ROBO2: variants seen among roughly 807,000 people sequenced by gnomAD.
ROBO2 encodes the protein roundabout guidance receptor 2.
Under a neutral mutation model 160.8 loss-of-function variants are expected in ROBO2, and 53 were observed. That is an observed-to-expected ratio of 0.33 (90% CI 0.26 to 0.41). The LOEUF (loss-of-function observed/expected upper bound fraction) is 0.41. Among genes scored for constraint, ROBO2 ranks in the 10% least tolerant of loss-of-function variants. ROBO2 has a pLI of 1.00. For synonymous variants in ROBO2, 664 were observed against 611.7 expected (o/e 1.09, Z -1.26); for missense variants, 1,577 against 1,722.4 (o/e 0.92, Z 1.49).
At chr3:77,609,327 T>G (rs904032745) in intron 21 of ROBO2, among the ~76,000 whole-genome samples, 5 of 152,098 alleles carry the variant, frequency 3.3e-5, no homozygotes, top group African/African-American at 1.2e-4. Flanking sequence ...TATAAATGTG[T>G]CAGTGTCACA....
chr3:76,109,160 GTATAA>G, intron 2 of ROBO2, among the ~76,000 whole-genome samples: 1 of 152,068 alleles, frequency 6.6e-6, no homozygotes, highest in Non-Finnish European at 1.5e-5. Flanking sequence ...ACAATAAAGT[GTATAA>G]TATAATAAAC....
chr3:75,989,949 G>A (rs1168895208), intron 2 of ROBO2, among the ~76,000 whole-genome samples: 2 of 152,154 alleles, frequency 1.3e-5, no homozygotes, highest in African/African-American at 4.8e-5. Flanking sequence ...TAATTGGCAT[G>A]TGTGTTTTTT....
chr3:76,004,553 A>T (rs904919375), intron 2 of ROBO2, among the ~76,000 whole-genome samples: 1 of 152,164 alleles, frequency 6.6e-6, no homozygotes, highest in African/African-American at 2.4e-5. Flanking sequence ...GTAATGACTC[A>T]CTTCCTGATT....
chr3:76,140,191 T>C (rs183944901), intron 2 of ROBO2, among the ~76,000 whole-genome samples: 1 of 152,202 alleles, frequency 6.6e-6, no homozygotes, highest in Admixed American at 6.6e-5. Context: ...ACATGAAAGC[T>C]GAAGAGCTTT....
chr3:76,089,520 T>G lies in ROBO2; in HGVS notation c.109+151918T>G, dbSNP rs376201309. On this transcript the variant is annotated intron_variant, in intron 2 of 26. Transcript: ENST00000487694. ...GATTTATCTAGGCACGCAAGTCTGGTTAAACATTTAAAAATGAATTAATGT... is the reference window on the plus strand; with the variant it reads ...GATTTATCTAGGCACGCAAGTCTGGGTAAACATTTAAAAATGAATTAATGT... Among the ~76,000 whole-genome samples, 94 of 152,224 alleles carry G rather than the reference T, an allele frequency of 6.2e-4. 1 individual carries two copies. In the South Asian group the frequency reaches 0.019, roughly 32 times the overall value.
intron 2 of ROBO2, among the ~76,000 whole-genome samples, chr3:76,636,554 C>G (rs2090343615): frequency 6.6e-6 from 1 of 152,114 alleles, no homozygotes; most frequent in Non-Finnish European, 1.5e-5. Context: ...AGTCCTGACT[C>G]CCAGCAATGG....
At chr3:77,242,013 T>G (rs62249669) in intron 2 of ROBO2, among the ~76,000 whole-genome samples, 1 of 152,176 alleles carries the variant, frequency 6.6e-6, no homozygotes, top group African/African-American at 2.4e-5. Flanking sequence ...TTTGCTAATA[T>G]GCGGGAAATA....
intron 2 of ROBO2, among the ~76,000 whole-genome samples, chr3:76,020,652 A>G (rs1421228578): frequency 6.6e-6 from 1 of 151,780 alleles, no homozygotes; most frequent in Non-Finnish European, 1.5e-5. Context: ...CCATATTTTA[A>G]TTGTATCCTT....
chr3:76,821,404 T>C (rs533220982), intron 2 of ROBO2, among the ~76,000 whole-genome samples: 1 of 152,052 alleles, frequency 6.6e-6, no homozygotes, highest in Non-Finnish European at 1.5e-5. Flanking sequence ...CCCTCTCCGA[T>C]AGTTGCTGTT....
rs1046088216 is a variant in ROBO2, at chr3:76,871,203, T to G, written c.110-226811T>G. On this transcript the variant is annotated intron_variant, in intron 2 of 26. Transcript: ENST00000487694. Reference sequence around the variant, plus strand: ...CCTTAAATAACCGTATACTTTAGTTTTTAACACCTCTGCACTTTGTGAAGA... The same window carrying G: ...CCTTAAATAACCGTATACTTTAGTTGTTAACACCTCTGCACTTTGTGAAGA... Among the ~76,000 whole-genome samples, 11 of 152,364 alleles carry G rather than the reference T, an allele frequency of 7.2e-5. No individual in the cohort carries two copies. In the South Asian group the frequency reaches 1.7e-3, roughly 23 times the overall value.
rs1948605132 is a variant in ROBO2, at chr3:75,953,016, A to G, written c.109+15414A>G. On this transcript the variant is annotated intron_variant, in intron 2 of 26. Coordinates refer to the ROBO2 transcript ENST00000487694. ...TGGATATAACACAGTTTATTTTTCC[A>G]TTCACTTCCTGAAGGACATTTTGAT... 2.6e-5 allele frequency among the ~76,000 whole-genome samples: 4 copies of G among 151,930 alleles called. No individual in the cohort carries two copies. The South Asian group carries it at 8.3e-4, about 31-fold the overall frequency.
intron 2 of ROBO2, among the ~76,000 whole-genome samples, chr3:76,469,883 C>A (rs1327860769): frequency 6.6e-6 from 1 of 152,132 alleles, no homozygotes; most frequent in South Asian, 2.1e-4. Context: ...AGTAAATTTT[C>A]TTCTTTTTGC....
At position 77,135,606 on chromosome 3, in the gene ROBO2, G is replaced by A. The variant is rs1039164181; in HGVS notation, c.388+37266G>A. Reference sequence around the variant, plus strand: ...GTATTTTTAGTAGAGAAGGGGTTTCGCTATGTTGCCCAGGCTGCTGTTGGC... The same window carrying A: ...GTATTTTTAGTAGAGAAGGGGTTTCACTATGTTGCCCAGGCTGCTGTTGGC... On this transcript the variant is annotated intron_variant, in intron 2 of 25. Transcript: ENST00000461745. 4.6e-5 allele frequency among the ~76,000 whole-genome samples: 7 copies of A among 151,052 alleles called. No homozygotes were observed. In the East Asian group the frequency reaches 1.2e-3, roughly 25 times the overall value.
chr3:76,341,904 CCT>C (rs1227574699), intron 2 of ROBO2, among the ~76,000 whole-genome samples: 1 of 152,120 alleles, frequency 6.6e-6, no homozygotes, highest in African/African-American at 2.4e-5. Flanking sequence ...GCATATGTTT[CCT>C]CTTTTTCCAA....
At chr3:76,606,405 G>A (rs2087660898) in intron 2 of ROBO2, among the ~76,000 whole-genome samples, 1 of 152,138 alleles carries the variant, frequency 6.6e-6, no homozygotes, top group African/African-American at 2.4e-5. Flanking sequence ...GATATTTGCT[G>A]TAAAACATCC....
intron 2 of ROBO2, among the ~76,000 whole-genome samples, chr3:77,456,715 T>G (rs2081677856): frequency 6.6e-6 from 1 of 152,220 alleles, no homozygotes; most frequent in South Asian, 2.1e-4. Flanking sequence ...TTATTTGAAT[T>G]CTGCTGGATT....
rs1702020112 is a variant in ROBO2, at chr3:76,191,854, A to T, written c.109+254252A>T. 2.6e-5 allele frequency among the ~76,000 whole-genome samples: 4 copies of T among 151,994 alleles called. No individual in the cohort carries two copies. The South Asian group carries it at 6.2e-4, about 24-fold the overall frequency. On this transcript the variant is annotated intron_variant, in intron 2 of 26. Transcript: ENST00000487694. ...CACCTTCTCTCTTTATTTCCTTTCT[A>T]ATGAACTAGATGTGATAGTCTGTCA...
intron 2 of ROBO2, among the ~76,000 whole-genome samples, chr3:77,102,951 C>T (rs2072205259): frequency 6.7e-6 from 1 of 150,262 alleles, no homozygotes. Context: ...AGTTAGAAAA[C>T]AGTTGCAGAG....
At chr3:77,137,886 A>G (rs992086929) in intron 2 of ROBO2, among the ~76,000 whole-genome samples, 2 of 152,224 alleles carry the variant, frequency 1.3e-5, no homozygotes, top group African/African-American at 4.8e-5. Context: ...CCATCCCAGT[A>G]TCTTCAGTTC....
Sources: allele counts gnomAD v4.1 joint callset (sites outside exome capture counted in the v4.1 genomes callset), GRCh38; gene constraint gnomAD v4.1.1; transcripts MANE v1.5; gene names NCBI Gene and HGNC (gene_info 2026-07-23, HGNC 2026-07-21).